Variants in ADGRB3 observed in about 807,000 individuals in gnomAD.
ADGRB3 encodes the protein adhesion G protein-coupled receptor B3.
Under a neutral mutation model 193.4 loss-of-function variants are expected in ADGRB3, and 37 were observed. The observed-to-expected ratio is 0.19, with a 90% CI of 0.15 to 0.25. ADGRB3 has a LOEUF of 0.25. Among genes scored for constraint, ADGRB3 ranks in the 10% least tolerant of loss-of-function variants. ADGRB3 has a pLI of 1.00. For missense variants in ADGRB3, 1,637 were observed against 1,852.9 expected (o/e 0.88, Z 2.14); for synonymous variants, 690 against 644.2 (o/e 1.07, Z -1.08).
chr6:69,051,318 A>C (rs1771385868), intron 15 of ADGRB3, among the ~76,000 whole-genome samples: 1 of 152,164 alleles, frequency 6.6e-6, no homozygotes, highest in Non-Finnish European at 1.5e-5. Flanking sequence ...AAAATGTGGT[A>C]ATTGAACTTA....
At chr6:68,959,154 T>C (rs1316265914) in intron 8 of ADGRB3, among the ~76,000 whole-genome samples, 1 of 152,150 alleles carries the variant, frequency 6.6e-6, no homozygotes, top group African/African-American at 2.4e-5. Context: ...CATATTGTAC[T>C]TGATTTATAT....
At chr6:69,352,943 T>C (rs994411837) in intron 26 of ADGRB3, among the ~76,000 whole-genome samples, 1 of 152,222 alleles carries the variant, frequency 6.6e-6, no homozygotes, top group African/African-American at 2.4e-5. Context: ...TCATCTATGA[T>C]TTGTTTTTTA....
intron 3 of ADGRB3, among the ~76,000 whole-genome samples, chr6:68,722,815 C>T (rs746731335): frequency 2.0e-5 from 3 of 151,408 alleles, no homozygotes; most frequent in African/African-American, 4.8e-5. Context: ...ACAGTGACTT[C>T]ATTTTGTCTA....
chr6:68,912,938 C>T (rs1028733008), intron 3 of ADGRB3, among the ~76,000 whole-genome samples: 11 of 152,164 alleles, frequency 7.2e-5, no homozygotes, highest in Admixed American at 2.6e-4. Context: ...GGGTCCTACG[C>T]CCATGGAATC....
chr6:68,664,849 C>G (rs1337240287), intron 3 of ADGRB3, among the ~76,000 whole-genome samples: 3 of 151,740 alleles, frequency 2.0e-5, no homozygotes, highest in Non-Finnish European at 4.4e-5. Context: ...GTGAAGGGGG[C>G]TTTTGGAGGG....
chr6:69,181,999 G>C (rs1775596944), intron 17 of ADGRB3, among the ~76,000 whole-genome samples: 2 of 152,132 alleles, frequency 1.3e-5, no homozygotes, highest in Admixed American at 6.5e-5. Context: ...GGACCTTTAT[G>C]ACAGTTGTTC....
intron 3 of ADGRB3, among the ~76,000 whole-genome samples, chr6:68,676,184 A>G (rs984043619): frequency 6.6e-6 from 1 of 152,004 alleles, no homozygotes; most frequent in African/African-American, 2.4e-5. Flanking sequence ...CGAGGTCAGG[A>G]GATGGAGACC....
chr6:68,650,925 A>G (rs1323093337), intron 3 of ADGRB3, among the ~76,000 whole-genome samples: 1 of 152,184 alleles, frequency 6.6e-6, no homozygotes, highest in Non-Finnish European at 1.5e-5. Context: ...AGGCAATGCA[A>G]AACAGATATT....
At chr6:68,756,754 A>C (rs185130448) in intron 3 of ADGRB3, among the ~76,000 whole-genome samples, 2 of 152,168 alleles carry the variant, frequency 1.3e-5, no homozygotes, top group Non-Finnish European at 2.9e-5. Flanking sequence ...TTGGTATTCT[A>C]ATAGTTGCAG....
intron 20 of ADGRB3, among the ~76,000 whole-genome samples, chr6:69,254,826 TAGATA>T (rs1766716374): frequency 6.6e-6 from 1 of 150,840 alleles, no homozygotes; most frequent in South Asian, 2.1e-4. Context: ...CATCTAGCAT[TAGATA>T]TATCTCCCAA....
At chr6:68,967,922 A>C (rs543414255) in intron 8 of ADGRB3, among the ~76,000 whole-genome samples, 37 of 152,094 alleles carry the variant, frequency 2.4e-4, no homozygotes, top group Non-Finnish European at 5.3e-4. Flanking sequence ...TAGTCAAAGC[A>C]GAAAGAACCT....
intron 8 of ADGRB3, among the ~76,000 whole-genome samples, chr6:68,972,969 G>A (rs1434987182): frequency 6.6e-6 from 1 of 152,202 alleles, no homozygotes; most frequent in Non-Finnish European, 1.5e-5. Flanking sequence ...GGTAAGGTTA[G>A]GAGGAGACAG....
intron 3 of ADGRB3, among the ~76,000 whole-genome samples, chr6:68,664,990 T>C (rs577767786): frequency 2.1e-4 from 32 of 151,936 alleles, no homozygotes; most frequent in African/African-American, 7.5e-4. Flanking sequence ...GTTCATGTAC[T>C]GTGTATGTAA....
chr6:68,798,430 A>C (rs967825555), intron 3 of ADGRB3, among the ~76,000 whole-genome samples: 3 of 152,088 alleles, frequency 2.0e-5, no homozygotes, highest in African/African-American at 7.2e-5. Context: ...AAGCACATTT[A>C]AAACGTAAAG....
chr6:69,369,859 C>T (rs1416606869), intron 29 of ADGRB3, among the ~76,000 whole-genome samples: 1 of 152,080 alleles, frequency 6.6e-6, no homozygotes, highest in East Asian at 1.9e-4. Context: ...TATCAAATTG[C>T]TAGGTTTTTT....
intron 3 of ADGRB3, among the ~76,000 whole-genome samples, chr6:68,661,300 T>A (rs994000688): frequency 4.4e-5 from 6 of 135,024 alleles, no homozygotes; most frequent in South Asian, 2.3e-4. Context: ...AAAATATATA[T>A]ATATATGTGT....
At chr6:68,967,319 A>C (rs557891285) in intron 8 of ADGRB3, among the ~76,000 whole-genome samples, 2 of 152,312 alleles carry the variant, frequency 1.3e-5, no homozygotes, top group Non-Finnish European at 1.5e-5. Context: ...TAAGAAGATA[A>C]AATTCAGTAA....
intron 20 of ADGRB3, among the ~76,000 whole-genome samples, chr6:69,281,586 G>A (rs1285946669): frequency 6.6e-6 from 1 of 152,142 alleles, no homozygotes; most frequent in Non-Finnish European, 1.5e-5. Context: ...ATCTGCACCT[G>A]CTGCACCTCA....
chr6:68,979,266 G>A (rs1361705987), intron 10 of ADGRB3, among the ~76,000 whole-genome samples: 2 of 151,320 alleles, frequency 1.3e-5, no homozygotes, highest in Admixed American at 1.3e-4. Flanking sequence ...CTGAGAAGGT[G>A]ATACACCAGA....
Sources: gnomAD v4.1 joint callset for allele counts (sites outside exome capture counted in the v4.1 genomes callset) on GRCh38, gnomAD v4.1.1 for gene constraint, MANE v1.5 for transcripts, NCBI Gene and HGNC (gene_info 2026-07-23, HGNC 2026-07-21) for gene names.